KDM4D: variants seen among roughly 807,000 people sequenced by gnomAD.
KDM4D encodes lysine demethylase 4D.
For missense variants in KDM4D, 427 were observed against 674.8 expected (o/e 0.63, Z 4.07); for synonymous variants, 254 against 249.1 (o/e 1.02, Z -0.19).
Position 94,979,490 on chromosome 11 carries a change from A to G in KDM4D, c.-350+3742A>G, listed in dbSNP as rs963119430. Among the ~76,000 whole-genome samples, 13 of 152,310 alleles carry G rather than the reference A, an allele frequency of 8.5e-5. No individual in the cohort carries two copies. In the East Asian group the frequency reaches 2.3e-3, roughly 27 times the overall value. On this transcript the variant is annotated intron_variant, in intron 2 of 2. Transcript: ENST00000335080. ...AGTGATACACCTGCCTCGGCCTTCC[A>G]AAGTGCTGGGATTACAGGTGTGAGC...
chr11:94,990,601 TAAGAAATGA>T (rs1277188070), intron 2 of KDM4D, among the ~76,000 whole-genome samples: 1 of 152,228 alleles, frequency 6.6e-6, no homozygotes, highest in Admixed American at 6.5e-5. Context: ...ATTTTTGTTT[TAAGAAATGA>T]ACTTACAAAG....
rs587656626 is a variant in KDM4D, at chr11:94,995,409, A to G, written c.-349-1615A>G. 2.0e-5 allele frequency among the ~76,000 whole-genome samples: 3 copies of G among 152,354 alleles called. No homozygotes were observed. The South Asian group carries it at 6.2e-4, about 32-fold the overall frequency. ...GTTCACATTATATAAGGTAGAAGTG[A>G]TAAGTGGCAAGAGAACTACAGGATA... On this transcript the variant is annotated intron_variant, in intron 2 of 2. Coordinates refer to ENST00000335080, the MANE Select transcript of KDM4D (RefSeq NM_018039.3).
chr11:94,985,917 G>A (rs766627328), intron 2 of KDM4D, among the ~76,000 whole-genome samples: 3 of 152,204 alleles, frequency 2.0e-5, no homozygotes, highest in African/African-American at 4.8e-5. Context: ...AAGATTGATT[G>A]TGAGCCTGAA....
intron 2 of KDM4D, among the ~76,000 whole-genome samples, chr11:94,991,600 T>A: frequency 1.4e-5 from 2 of 147,944 alleles, no homozygotes; most frequent in African/African-American, 2.5e-5. Flanking sequence ...ATTGGAGAAA[T>A]GAAAAAGACA....
At chr11:94,980,297 G>A (rs587660744) in intron 2 of KDM4D, among the ~76,000 whole-genome samples, 4 of 152,172 alleles carry the variant, frequency 2.6e-5, no homozygotes, top group Admixed American at 6.5e-5. Context: ...ATTTTTGTGC[G>A]TGGCATGCTG....
intron 2 of KDM4D, among the ~76,000 whole-genome samples, chr11:94,996,141 C>T (rs897449479): frequency 1.3e-5 from 2 of 152,152 alleles, no homozygotes; most frequent in Non-Finnish European, 2.9e-5. Flanking sequence ...TATTTTCAGT[C>T]GTTCTTTCTT....
At chr11:94,986,782 A>T (rs1204038008) in intron 2 of KDM4D, among the ~76,000 whole-genome samples, 1 of 152,200 alleles carries the variant, frequency 6.6e-6, no homozygotes, top group Admixed American at 6.5e-5. Flanking sequence ...TTAAACATGG[A>T]GTTATCACAT....
chr11:94,982,225 C>T (rs1555097651), intron 2 of KDM4D, among the ~76,000 whole-genome samples: 1 of 151,810 alleles, frequency 6.6e-6, no homozygotes, highest in Non-Finnish European at 1.5e-5. Flanking sequence ...TTTATGGCCA[C>T]AGTTATGGTT....
In KDM4D at chr11:94,998,649, C is replaced by G. The variant is rs200139447; in HGVS notation, c.1277C>G (p.Ser426Cys). The G allele has an allele frequency of 1.7e-4, 268 of 1,614,228 alleles. No individual in the cohort carries two copies. The highest frequency in any genetic ancestry group is 2.2e-4 in the Non-Finnish European group (256 of 1,180,040). ...CCCCGGGCTGCTGCTGTCCACAGCT[C>G]TAAGAAGCCCAGCTCAACTCCATCA... ...TQPRAAAVHS[S>C]KKPSSTPSST... Residue 426 changes from serine to cysteine, a missense_variant, in exon 3 of 3, where the codon TCT (serine) becomes TGT (cysteine). Ser to Cys is a moderately radical substitution (Grantham distance 112). Transcript: ENST00000335080. This position sits in a 1 kb window ranked among gnomAD's most constrained non-coding sequence, Gnocchi z 6.7.
At chr11:94,989,447 C>CAGAT (rs1371441757) in intron 2 of KDM4D, among the ~76,000 whole-genome samples, 1 of 152,122 alleles carries the variant, frequency 6.6e-6, no homozygotes, top group African/African-American at 2.4e-5. Context: ...ATCCATGCAA[C>CAGAT]AGATGAAAAT....
In KDM4D at chr11:94,998,422, C is replaced by T. The variant is rs1333524553; in HGVS notation, c.1050C>T (p.Pro350=). Residue 350 remains proline, a synonymous_variant, in exon 3 of 3, where the codon CCC becomes CCT. Coordinates refer to ENST00000335080, the MANE Select transcript of KDM4D (RefSeq NM_018039.3). This position sits in a 1 kb window ranked among gnomAD's most constrained non-coding sequence, Gnocchi z 6.7. ...GGGCAGTTGTGGACCACATGGAGCC[C>T]AGGGTACCAGCCAGCCAAGAGCTGA... The part of the protein sequence containing the change: ...QDRAVVDHME[P]RVPASQELST... 1 of 1,613,742 alleles carries T rather than the reference C, an allele frequency of 6.2e-7. No individual in the cohort carries two copies. The highest frequency in any genetic ancestry group is 8.5e-7 in the Non-Finnish European group (1 of 1,180,028).
intron 2 of KDM4D, among the ~76,000 whole-genome samples, chr11:94,993,949 TA>T (rs1857956803): frequency 6.6e-6 from 1 of 152,134 alleles, no homozygotes; most frequent in African/African-American, 2.4e-5. Context: ...TTTTTAAGAT[TA>T]AAAAATTGGG....
intron 2 of KDM4D, among the ~76,000 whole-genome samples, chr11:94,990,691 C>T (rs1857927626): frequency 6.6e-6 from 1 of 152,148 alleles, no homozygotes; most frequent in Admixed American, 6.5e-5. Flanking sequence ...CAAGTGTAAA[C>T]TGATTTATCA....
chr11:94,987,549 T>A (rs1157587782), intron 2 of KDM4D, among the ~76,000 whole-genome samples: 1 of 152,220 alleles, frequency 6.6e-6, no homozygotes, highest in Admixed American at 6.5e-5. Context: ...AATAGGTTCC[T>A]GTAGGAGCAC....
intron 2 of KDM4D, among the ~76,000 whole-genome samples, chr11:94,992,331 T>C (rs1857941827): frequency 6.6e-6 from 1 of 152,006 alleles, no homozygotes; most frequent in South Asian, 2.1e-4. Flanking sequence ...ATGTAATTAA[T>C]ATGTAAAATG....
chr11:94,974,903 G>A (rs1220431442), intron 1 of KDM4D, among the ~76,000 whole-genome samples: 2 of 152,138 alleles, frequency 1.3e-5, no homozygotes, highest in Admixed American at 6.5e-5. Flanking sequence ...AGCCAAGAGA[G>A]TGATCTTTTA....
chr11:94,989,748 CTTTCTTTTT>C (rs1166271946), intron 2 of KDM4D, among the ~76,000 whole-genome samples: 2 of 74,594 alleles, frequency 2.7e-5, no homozygotes, highest in Admixed American at 1.5e-4. Flanking sequence ...CTCTCTCTCT[CTTTCTTTTT>C]TTTTTTTTTT....
chr11:94,987,468 T>G (rs1180031744), intron 2 of KDM4D, among the ~76,000 whole-genome samples: 1 of 152,082 alleles, frequency 6.6e-6, no homozygotes, highest in Admixed American at 6.6e-5. Flanking sequence ...GATAAACATA[T>G]AAATGTAGAG....
rs1488862344 is a variant in KDM4D at position 94,974,797 on chromosome 11, C to T, written c.-445+729C>T. On this transcript the variant is annotated intron_variant, in intron 1 of 2. Coordinates refer to ENST00000335080, the MANE Select transcript of KDM4D (RefSeq NM_018039.3). ...CGCAATTTTATTCTACTGCCACTAC[C>T]CTTGCCTTTGCCAACACCATCTCCT... 2.6e-5 allele frequency among the ~76,000 whole-genome samples: 4 copies of T among 152,190 alleles called. No individual in the cohort carries two copies. The South Asian group carries it at 8.3e-4, about 32-fold the overall frequency.
Sources: allele counts gnomAD v4.1 joint callset (sites outside exome capture counted in the v4.1 genomes callset), GRCh38; gene constraint gnomAD v4.1.1; non-coding constraint Gnocchi (gnomAD v3.1); transcripts MANE v1.5; gene names NCBI Gene and HGNC (gene_info 2026-07-23, HGNC 2026-07-21).